Variants in KIAA0825 observed in about 807,000 individuals in gnomAD.
The protein encoded by KIAA0825 is KIAA0825.
Under a neutral mutation model 147.6 loss-of-function variants are expected in KIAA0825, and 119 were observed. The ratio of observed to expected loss-of-function variants is 0.81; its 90% CI spans 0.69 to 0.94. KIAA0825 has a LOEUF of 0.94. KIAA0825 is among the 40% of genes least tolerant of loss of function. The pLI is 0.00. For synonymous variants in KIAA0825, 470 were observed against 518.1 expected, an observed-to-expected ratio of 0.91 and a Z score of 1.26; for missense variants, 1,381 against 1,472.7, an observed-to-expected ratio of 0.94 and a Z score of 1.02.
chr5:94,443,336 T>TTATATA (rs5869629), intron 13 of KIAA0825, among the ~76,000 whole-genome samples: 43 of 145,424 alleles, frequency 3.0e-4, no homozygotes, highest in Admixed American at 7.6e-4. Context: ...AAGGGAAATT[T>TTATATA]TATATATATA....
chr5:94,599,781 A>G (rs1308570285), intron 1 of KIAA0825, among the ~76,000 whole-genome samples: 2 of 152,216 alleles, frequency 1.3e-5, no homozygotes, highest in African/African-American at 2.4e-5. Flanking sequence ...AAGCACTAGT[A>G]CAAAATCTTC....
At chr5:94,616,626 A>G (rs1790577016) in intron 1 of KIAA0825, among the ~76,000 whole-genome samples, 1 of 152,196 alleles carries the variant, frequency 6.6e-6, no homozygotes, top group Non-Finnish European at 1.5e-5. Flanking sequence ...CTCTGGACTC[A>G]GTCACCAATA....
intron 5 of KIAA0825, among the ~76,000 whole-genome samples, chr5:94,489,136 A>T (rs1336579385): frequency 6.6e-6 from 1 of 152,162 alleles, no homozygotes; most frequent in Non-Finnish European, 1.5e-5. Context: ...TGCTTCTAAC[A>T]TTATCATAGT....
rs1010658779 is a variant in KIAA0825 at position 94,151,484 on chromosome 5, A to T, written c.*2523T>A. ...AGTATAAAGTCAAAATAATCTGATA[A>T]ATCAATGACTTGTCACCTAATACTC... On this transcript the variant is annotated 3_prime_UTR_variant, in exon 21 of 21. Coordinates refer to ENST00000682413, the MANE Select transcript of KIAA0825 (RefSeq NM_001145678.3). Among the ~76,000 whole-genome samples, 15 of 151,990 alleles carry T rather than the reference A, an allele frequency of 9.9e-5. No individual in the cohort carries two copies. Among genetic ancestry groups the T allele is most frequent in the Admixed American group, 2.0e-4 (3 of 15,268 alleles).
At chr5:94,334,951 A>C (rs1781657613) in intron 20 of KIAA0825, among the ~76,000 whole-genome samples, 1 of 152,204 alleles carries the variant, frequency 6.6e-6, no homozygotes, top group Non-Finnish European at 1.5e-5. Flanking sequence ...ATGATACACC[A>C]AATTATGATG....
At chr5:94,198,228 T>C (rs1562308138) in intron 20 of KIAA0825, among the ~76,000 whole-genome samples, 1 of 152,096 alleles carries the variant, frequency 6.6e-6, no homozygotes, top group African/African-American at 2.4e-5. Flanking sequence ...CTACTCGGAA[T>C]GGGATTGCAT....
intron 20 of KIAA0825, among the ~76,000 whole-genome samples, chr5:94,273,338 TATA>T (rs1306694342): frequency 1.3e-5 from 2 of 152,120 alleles, no homozygotes; most frequent in Admixed American, 6.6e-5. Context: ...ATCAAGAAAA[TATA>T]ATACTGGGAA....
At chr5:94,158,605 A>G (rs1767262636) in intron 20 of KIAA0825, among the ~76,000 whole-genome samples, 1 of 152,194 alleles carries the variant, frequency 6.6e-6, no homozygotes. Context: ...TAGGTATACT[A>G]AAATAGGAAG....
At chr5:94,479,417 T>C (rs188973859) in intron 6 of KIAA0825, among the ~76,000 whole-genome samples, 119 of 152,304 alleles carry the variant, frequency 7.8e-4, no homozygotes, top group African/African-American at 2.6e-3. Flanking sequence ...TGTCTCTTAA[T>C]GGCTTGACAT....
chr5:94,260,781 T>C (rs546724629), intron 20 of KIAA0825, among the ~76,000 whole-genome samples: 5 of 152,152 alleles, frequency 3.3e-5, no homozygotes, highest in Admixed American at 6.6e-5. Context: ...CGGTATGATG[T>C]GGCACTCAGC....
Position 94,396,528 on chromosome 5 carries a change from G to C in KIAA0825, c.2888-19C>G. Reference sequence around the variant, plus strand: ...GTGAAGCCTGGGGAAGAAAAGAAAAGGTATGATTAATATTAGCATTTGCGT... The same window carrying C: ...GTGAAGCCTGGGGAAGAAAAGAAAACGTATGATTAATATTAGCATTTGCGT... On this transcript the variant is annotated intron_variant, in intron 16 of 20. Transcript: ENST00000682413. The C allele has an allele frequency of 6.8e-7, 1 of 1,463,472 alleles. No homozygotes were observed. The highest frequency in any genetic ancestry group is 2.5e-5 in the East Asian group (1 of 40,314). 90.7% of individuals were successfully genotyped at this position (1,463,472 alleles called of 1,614,324 possible).
rs142668239 is a variant in KIAA0825, at chr5:94,505,348, G to A, written c.970+14900C>T. On this transcript the variant is annotated intron_variant, in intron 5 of 20. Coordinates refer to ENST00000682413, the MANE Select transcript of KIAA0825 (RefSeq NM_001145678.3). ...TGCACTCCAGCCTGGGTGGCAGAGC[G>A]AGACTCTGTCTTTAAAAAAAAAAAA... 9.5e-4 allele frequency among the ~76,000 whole-genome samples: 141 copies of A among 149,164 alleles called. 1 individual carries two copies. The East Asian group carries it at 0.017, about 18-fold the overall frequency.
At chr5:94,188,555 T>C (rs921378803) in intron 20 of KIAA0825, among the ~76,000 whole-genome samples, 2 of 152,202 alleles carry the variant, frequency 1.3e-5, no homozygotes, top group Non-Finnish European at 2.9e-5. Flanking sequence ...TCTTTGGTCC[T>C]TTCACTTAGC....
intron 13 of KIAA0825, among the ~76,000 whole-genome samples, chr5:94,447,238 T>A (rs368274127): frequency 2.6e-5 from 4 of 152,044 alleles, no homozygotes; most frequent in African/African-American, 9.7e-5. Context: ...AGATTAAAAT[T>A]AATGATATGG....
At chr5:94,447,362 A>G (rs1757861722) in intron 13 of KIAA0825, among the ~76,000 whole-genome samples, 1 of 152,154 alleles carries the variant, frequency 6.6e-6, no homozygotes. Flanking sequence ...AGGTTAAAGT[A>G]TATGAACCTG....
intron 13 of KIAA0825, among the ~76,000 whole-genome samples, chr5:94,445,335 A>G (rs772098845): frequency 6.6e-6 from 1 of 152,186 alleles, no homozygotes; most frequent in Non-Finnish European, 1.5e-5. Context: ...GCAGCTATGA[A>G]TGATAGTTTA....
At chr5:94,191,638 C>CAATT (rs1456018251) in intron 20 of KIAA0825, among the ~76,000 whole-genome samples, 1 of 152,074 alleles carries the variant, frequency 6.6e-6, no homozygotes, top group Non-Finnish European at 1.5e-5. Context: ...ATAAAAGATC[C>CAATT]AATTAATTGT....
chr5:94,384,779 A>G (rs968251059), intron 19 of KIAA0825, among the ~76,000 whole-genome samples: 2 of 152,230 alleles, frequency 1.3e-5, no homozygotes, highest in African/African-American at 4.8e-5. Context: ...AAAGCAAAGC[A>G]AAATAGTTGG....
chr5:94,213,254 CT>C (rs1772894476), intron 20 of KIAA0825, among the ~76,000 whole-genome samples: 1 of 151,982 alleles, frequency 6.6e-6, no homozygotes, highest in African/African-American at 2.4e-5. Flanking sequence ...CATGATTTTC[CT>C]TTTTCTCTGG....
Sources: allele counts gnomAD v4.1 joint callset (sites outside exome capture counted in the v4.1 genomes callset), GRCh38; gene constraint gnomAD v4.1.1; transcripts MANE v1.5; gene names NCBI Gene and HGNC (gene_info 2026-07-23, HGNC 2026-07-21).